CTNND2: variants seen among roughly 807,000 people sequenced by gnomAD.
CTNND2 encodes the protein catenin delta 2.
CTNND2 carries 22 observed loss-of-function variants against 144.4 expected under a neutral mutation model. The ratio of observed to expected loss-of-function variants is 0.15; its 90% CI spans 0.11 to 0.22. The LOEUF (loss-of-function observed/expected upper bound fraction) is 0.22, where lower values mean the gene tolerates loss of function less well. CTNND2 is among the 10% of genes least tolerant of loss of function. CTNND2 has a pLI of 1.00. For missense variants in CTNND2, 1,353 were observed against 1,618.8 expected (o/e 0.84, Z 2.82); for synonymous variants, 751 against 695.6 (o/e 1.08, Z -1.25).
At chr5:11,858,638 A>C (rs2127019724) in intron 1 of CTNND2, among the ~76,000 whole-genome samples, 1 of 152,352 alleles carries the variant, frequency 6.6e-6, no homozygotes, top group African/African-American at 2.4e-5. Context: ...AATAAGAATA[A>C]GTAAGAACAG....
Position 11,076,924 on chromosome 5 carries a change from G to T in CTNND2, c.2788+5772C>A, listed in dbSNP as rs753268159. On this transcript the variant is annotated intron_variant, in intron 16 of 21. Coordinates refer to ENST00000304623, the MANE Select transcript of CTNND2 (RefSeq NM_001332.4). ...TCCAGAACCAATGATGGAAAAGAAA[G>T]GGATTCTTTCTGAAATCCTGAGTGT... 4.6e-4 allele frequency among the ~76,000 whole-genome samples: 70 copies of T among 152,186 alleles called. 1 individual carries two copies. Among genetic ancestry groups the T allele is most frequent in the Admixed American group, 1.1e-3 (17 of 15,290 alleles).
chr5:11,657,698 A>G (rs1581679043), intron 2 of CTNND2, among the ~76,000 whole-genome samples: 1 of 152,178 alleles, frequency 6.6e-6, no homozygotes, highest in Non-Finnish European at 1.5e-5. Flanking sequence ...TACATTTTGA[A>G]TAACTTCAAT....
At chr5:11,086,120 G>A (rs1293679722) in intron 15 of CTNND2, among the ~76,000 whole-genome samples, 1 of 152,152 alleles carries the variant, frequency 6.6e-6, no homozygotes, top group Non-Finnish European at 1.5e-5. Flanking sequence ...GCTGCAGAGG[G>A]GTTACTTGGC....
chr5:11,203,266 A>G (rs1737673720), intron 10 of CTNND2, among the ~76,000 whole-genome samples: 1 of 152,046 alleles, frequency 6.6e-6, no homozygotes, highest in African/African-American at 2.4e-5. Flanking sequence ...TGGCACCTTT[A>G]TTTATTCTCC....
chr5:11,177,306 T>C (rs1457460215), intron 11 of CTNND2, among the ~76,000 whole-genome samples: 4 of 152,208 alleles, frequency 2.6e-5, no homozygotes, highest in Admixed American at 6.5e-5. Flanking sequence ...GGTGTCTAGA[T>C]AGGAAAATTG....
intron 9 of CTNND2, among the ~76,000 whole-genome samples, chr5:11,260,478 A>G (rs192036040): frequency 2.6e-5 from 4 of 152,364 alleles, no homozygotes; most frequent in Non-Finnish European, 5.9e-5. Flanking sequence ...AAATATTTAA[A>G]AATTTCATGT....
At chr5:11,551,961 C>T (rs141524185) in intron 3 of CTNND2, among the ~76,000 whole-genome samples, 4,137 of 152,110 alleles carry the variant, frequency 0.027, 87 homozygotes, top group Middle Eastern at 0.078. Flanking sequence ...TCTCGAACTC[C>T]TGGCCTCAAG....
At chr5:11,745,015 A>C (rs570911813) in intron 1 of CTNND2, among the ~76,000 whole-genome samples, 1 of 152,264 alleles carries the variant, frequency 6.6e-6, no homozygotes, top group East Asian at 1.9e-4. Context: ...TACAGGCATG[A>C]GCCACCATGC....
chr5:11,278,109 T>C (rs1425330436), intron 9 of CTNND2, among the ~76,000 whole-genome samples: 1 of 152,188 alleles, frequency 6.6e-6, no homozygotes, highest in Non-Finnish European at 1.5e-5. Flanking sequence ...CTTAATTTCT[T>C]ATAAACTCTG....
At chr5:11,065,914 C>T (rs1272463176) in intron 16 of CTNND2, among the ~76,000 whole-genome samples, 1 of 152,190 alleles carries the variant, frequency 6.6e-6, no homozygotes, top group African/African-American at 2.4e-5. Context: ...AGGCCCTCCC[C>T]ATCCTGAAGA....
chr5:11,526,683 T>C (rs1429629533), intron 3 of CTNND2, among the ~76,000 whole-genome samples: 1 of 152,184 alleles, frequency 6.6e-6, no homozygotes, highest in African/African-American at 2.4e-5. Context: ...ACCCCCACTT[T>C]ATACATAAGA....
chr5:11,405,607 C>T (rs1434844666), intron 5 of CTNND2, among the ~76,000 whole-genome samples: 1 of 151,886 alleles, frequency 6.6e-6, no homozygotes, highest in South Asian at 2.1e-4. Context: ...AAATTAAACA[C>T]CAGCTGAGAA....
At chr5:11,650,834 T>C (rs1782609137) in intron 2 of CTNND2, among the ~76,000 whole-genome samples, 1 of 152,194 alleles carries the variant, frequency 6.6e-6, no homozygotes, top group African/African-American at 2.4e-5. Flanking sequence ...GCCTGGCTGC[T>C]TCTATCAGCA....
At chr5:11,308,018 G>A (rs1750434652) in intron 9 of CTNND2, among the ~76,000 whole-genome samples, 1 of 152,164 alleles carries the variant, frequency 6.6e-6, no homozygotes. Context: ...TGCTGTCCCT[G>A]AGCCAGTACA....
chr5:11,255,929 G>A (rs915289273), intron 9 of CTNND2, among the ~76,000 whole-genome samples: 1 of 152,128 alleles, frequency 6.6e-6, no homozygotes, highest in Non-Finnish European at 1.5e-5. Context: ...GTCCCTGTGA[G>A]GCTTCTAAAG....
chr5:11,218,518 T>C (rs1404105358), intron 10 of CTNND2, among the ~76,000 whole-genome samples: 1 of 152,198 alleles, frequency 6.6e-6, no homozygotes, highest in African/African-American at 2.4e-5. Context: ...ATTGTGTGTG[T>C]TCTCTCAAAT....
chr5:11,552,808 A>G (rs1775880756), intron 3 of CTNND2, among the ~76,000 whole-genome samples: 1 of 152,222 alleles, frequency 6.6e-6, no homozygotes, highest in African/African-American at 2.4e-5. Context: ...CTTTCCTCTG[A>G]AGCACATCAA....
chr5:11,669,321 A>T (rs923271219), intron 2 of CTNND2, among the ~76,000 whole-genome samples: 5 of 152,176 alleles, frequency 3.3e-5, no homozygotes, highest in African/African-American at 9.7e-5. Context: ...TGTTTGGAAT[A>T]GTTTCAGAAG....
intron 3 of CTNND2, among the ~76,000 whole-genome samples, chr5:11,460,396 C>T (rs31948): frequency 0.08 from 12,196 of 152,228 alleles, 1,515 homozygotes; most frequent in African/African-American, 0.27. Context: ...AGCCAATTTC[C>T]AAATTTGATG....
Sources: gnomAD v4.1 joint callset for allele counts (sites outside exome capture counted in the v4.1 genomes callset) on GRCh38, gnomAD v4.1.1 for gene constraint, MANE v1.5 for transcripts, NCBI Gene and HGNC (gene_info 2026-07-23, HGNC 2026-07-21) for gene names.